The following BRINP2 variants were observed in gnomAD, a reference collection of about 807,000 sequenced individuals.
The protein encoded by BRINP2 is BMP/retinoic acid-inducible neural-specific protein 2.
BRINP2 carries 21 observed loss-of-function variants against 69.2 expected under a neutral mutation model. That is an observed-to-expected ratio of 0.30 (90% CI 0.22 to 0.44). The LOEUF (loss-of-function observed/expected upper bound fraction) is 0.44, where lower values mean the gene tolerates loss of function less well. Among genes scored for constraint, BRINP2 ranks in the 20% least tolerant of loss-of-function variants. BRINP2 has a pLI of 1.00. For synonymous variants in BRINP2, 380 were observed against 394.1 expected (o/e 0.96, Z 0.42); for missense variants, 877 against 986.0 (o/e 0.89, Z 1.48).
At chr1:177,274,271 C>G (rs1008470160) in intron 5 of BRINP2, among the ~76,000 whole-genome samples, 1 of 152,214 alleles carries the variant, frequency 6.6e-6, no homozygotes, top group African/African-American at 2.4e-5. Flanking sequence ...TGTCTGTTCC[C>G]TGCAGGCATC....
chr1:177,192,493 C>T (rs1364107959), intron 1 of BRINP2, among the ~76,000 whole-genome samples: 1 of 152,186 alleles, frequency 6.6e-6, no homozygotes, highest in African/African-American at 2.4e-5. Flanking sequence ...CCAACTCTGT[C>T]TAACTTATTT....
chr1:177,176,174 TG>T (rs1287857828), intron 1 of BRINP2, among the ~76,000 whole-genome samples: 1 of 152,196 alleles, frequency 6.6e-6, no homozygotes, highest in Non-Finnish European at 1.5e-5. Context: ...CAAACTTTTC[TG>T]GAATTCTGGA....
rs936032965 is a variant in BRINP2 at position 177,171,556 on chromosome 1, G to A, written c.-253G>A. 3 of 153,064 alleles carry A rather than the reference G, an allele frequency of 2.0e-5. No individual in the cohort carries two copies. The highest frequency in any genetic ancestry group is 4.4e-5 in the Non-Finnish European group (3 of 68,166). The allele number at this position is 153,064 out of a possible 1,614,324, so 9.5% of individuals were successfully genotyped here. The stretch of plus-strand genomic sequence containing the variant: ...GCTCCCTCTCACACGCTGAGGGGGA[G>A]GCATTCGCGTTTCCCCAAATGAGAA... On this transcript the variant is annotated 5_prime_UTR_variant, in exon 1 of 8. Transcript: ENST00000361539.
At chr1:177,221,826 C>T (rs1296928946) in intron 1 of BRINP2, among the ~76,000 whole-genome samples, 1 of 152,188 alleles carries the variant, frequency 6.6e-6, no homozygotes, top group African/African-American at 2.4e-5. Flanking sequence ...GAAGCCAAAG[C>T]AACCGCATAA....
chr1:177,240,955 A>T (rs995472320), intron 2 of BRINP2, among the ~76,000 whole-genome samples: 8 of 151,784 alleles, frequency 5.3e-5, no homozygotes, highest in Non-Finnish European at 1.2e-4. Flanking sequence ...TCCAGCCATG[A>T]GGTGCTCACT....
intron 2 of BRINP2, among the ~76,000 whole-genome samples, chr1:177,240,548 A>G (rs997682926): frequency 1.3e-5 from 2 of 152,210 alleles, no homozygotes; most frequent in Non-Finnish European, 2.9e-5. Flanking sequence ...AGAGGAAAAG[A>G]GGCTGTGAGA....
intron 3 of BRINP2, 184 bp downstream of exon 3, chr1:177,256,293 A>T: frequency 1.0e-6 from 1 of 981,874 alleles, no homozygotes; most frequent in Non-Finnish European, 1.2e-6. Context: ...GAACATCTCT[A>T]TTTAATTATT....
intron 1 of BRINP2, among the ~76,000 whole-genome samples, chr1:177,172,656 G>A (rs1445814475): frequency 1.3e-5 from 2 of 152,216 alleles, no homozygotes; most frequent in East Asian, 3.9e-4. Flanking sequence ...TTTATCCAGG[G>A]TATATAGACC....
intron 2 of BRINP2, among the ~76,000 whole-genome samples, chr1:177,243,645 C>T (rs993462247): frequency 4.6e-5 from 7 of 152,162 alleles, no homozygotes; most frequent in Admixed American, 1.3e-4. Context: ...TAGATACAAT[C>T]AAGACAGTAT....
At chr1:177,187,255 C>G (rs75890129) in intron 1 of BRINP2, among the ~76,000 whole-genome samples, 1 of 152,116 alleles carries the variant, frequency 6.6e-6, no homozygotes, top group Admixed American at 6.5e-5. Context: ...CCTGCCACAC[C>G]TAACAGAAAA....
chr1:177,263,047 T>A (rs968154456), intron 4 of BRINP2, among the ~76,000 whole-genome samples: 1 of 151,606 alleles, frequency 6.6e-6, no homozygotes, highest in Non-Finnish European at 1.5e-5. Context: ...GGGAAGAGAG[T>A]TGAGAATATA....
At chr1:177,266,525 C>T (rs771123989) in intron 4 of BRINP2, among the ~76,000 whole-genome samples, 20 of 151,722 alleles carry the variant, frequency 1.3e-4, no homozygotes, top group Admixed American at 2.0e-4. Flanking sequence ...TTTGGGAGGC[C>T]GAGGAGGGCG....
At chr1:177,207,383 G>C (rs1649096833) in intron 1 of BRINP2, among the ~76,000 whole-genome samples, 1 of 152,138 alleles carries the variant, frequency 6.6e-6, no homozygotes, top group Non-Finnish European at 1.5e-5. Flanking sequence ...AGGCATTTAA[G>C]GGGGAAGAGT....
intron 1 of BRINP2, among the ~76,000 whole-genome samples, chr1:177,186,140 A>G (rs559340555): frequency 6.6e-6 from 1 of 152,278 alleles, no homozygotes; most frequent in South Asian, 2.1e-4. Context: ...CATCCCGCTG[A>G]CAACTTGATA....
At chr1:177,186,673 T>C (rs140055432) in intron 1 of BRINP2, among the ~76,000 whole-genome samples, 1 of 152,260 alleles carries the variant, frequency 6.6e-6, no homozygotes, top group Non-Finnish European at 1.5e-5. Flanking sequence ...CCAAAATGCA[T>C]GTGGGATTTG....
At chr1:177,238,573 G>T (rs1650102444) in intron 2 of BRINP2, among the ~76,000 whole-genome samples, 1 of 152,224 alleles carries the variant, frequency 6.6e-6, no homozygotes, top group South Asian at 2.1e-4. Flanking sequence ...GGGCTTGAAT[G>T]TCCAAGAGAC....
intron 2 of BRINP2, among the ~76,000 whole-genome samples, chr1:177,237,536 C>T (rs1197081085): frequency 2.0e-5 from 3 of 152,172 alleles, no homozygotes; most frequent in South Asian, 2.1e-4. Context: ...GGGCTATACC[C>T]AGGTTAGCCA....
intron 1 of BRINP2, among the ~76,000 whole-genome samples, chr1:177,219,175 G>T (rs898991197): frequency 6.6e-6 from 1 of 152,088 alleles, no homozygotes; most frequent in African/African-American, 2.4e-5. Context: ...ATTCCAAAAG[G>T]TTAATTATGA....
At chr1:177,264,486 C>T (rs979155875) in intron 4 of BRINP2, among the ~76,000 whole-genome samples, 1 of 152,160 alleles carries the variant, frequency 6.6e-6, no homozygotes, top group Admixed American at 6.5e-5. Flanking sequence ...AGAAATAAAG[C>T]ATATTCAAAT....
Sources: allele counts gnomAD v4.1 joint callset (sites outside exome capture counted in the v4.1 genomes callset), GRCh38; gene constraint gnomAD v4.1.1; transcripts MANE v1.5; gene names NCBI Gene and HGNC (gene_info 2026-07-23, HGNC 2026-07-21).